Variants in ERC1 observed in about 807,000 individuals in gnomAD.
ERC1 encodes the protein ELKS/RAB6-interacting/CAST family member 1, also known as RAB6 interacting protein 2.
Under a neutral mutation model 132.0 loss-of-function variants are expected in ERC1, and 56 were observed. The observed-to-expected ratio is 0.42, with a 90% CI of 0.34 to 0.53. The LOEUF (loss-of-function observed/expected upper bound fraction) is 0.53, where lower values mean the gene tolerates loss of function less well. ERC1 is among the 20% of genes least tolerant of loss of function. The pLI is 0.03. For missense variants in ERC1, 1,202 were observed against 1,349.9 expected (o/e 0.89, Z 1.72); for synonymous variants, 478 against 476.1 (o/e 1.00, Z -0.05).
chr12:1,011,676 G>A (rs1964704365), intron 1 of ERC1, among the ~76,000 whole-genome samples: 1 of 152,188 alleles, frequency 6.6e-6, no homozygotes, highest in Admixed American at 6.6e-5. Flanking sequence ...GCTCATGCCT[G>A]TAATCCTAGC....
At chr12:1,451,113 C>G (rs1368411034) in intron 18 of ERC1, among the ~76,000 whole-genome samples, 3 of 152,180 alleles carry the variant, frequency 2.0e-5, no homozygotes, top group Non-Finnish European at 2.9e-5. Flanking sequence ...GTTATCTTCT[C>G]ACTGTTACTG....
chr12:1,053,323 C>T (rs1972364626), intron 2 of ERC1, among the ~76,000 whole-genome samples: 1 of 152,148 alleles, frequency 6.6e-6, no homozygotes, highest in South Asian at 2.1e-4. Flanking sequence ...TTAGTCTTGC[C>T]TAGCTTTTCG....
chr12:1,272,404 A>G (rs946933354), intron 14 of ERC1, among the ~76,000 whole-genome samples: 1 of 152,176 alleles, frequency 6.6e-6, no homozygotes, highest in African/African-American at 2.4e-5. Flanking sequence ...TTACTGTTAA[A>G]TTCTAATTTA....
chr12:1,378,612 A>G (rs968493582), intron 16 of ERC1, among the ~76,000 whole-genome samples: 5 of 152,320 alleles, frequency 3.3e-5, no homozygotes, highest in Non-Finnish European at 5.9e-5. Context: ...AGCCACATAC[A>G]TGATGTAGAA....
At position 994,066 on chromosome 12, in the gene ERC1, C is replaced by CAAAAAAAAAAA. The variant is rs72073964; in HGVS notation, c.-157+2763_-157+2773dup. Among the ~76,000 whole-genome samples the CAAAAAAAAAAA allele has an allele frequency of 6.1e-4, 39 of 64,244 alleles. 2 individuals are homozygous for CAAAAAAAAAAA. Among genetic ancestry groups the CAAAAAAAAAAA allele is most frequent in the African/African-American group, 1.1e-3 (22 of 20,236 alleles). The allele number at this position is 64,244 out of a possible 152,430, so 42.1% of individuals were successfully genotyped here. ...CCTGAGTCACGGCAAAACTCCGTCT[C>CAAAAAAAAAAA]AAAAAAAAAAAAAAAAAAAAAAAAA... is the stretch of plus-strand genomic sequence containing the variant. On this transcript the variant is annotated intron_variant, in intron 1 of 18. Coordinates refer to ENST00000360905, the MANE Select transcript of ERC1 (RefSeq NM_178040.4).
intron 7 of ERC1, among the ~76,000 whole-genome samples, chr12:1,122,591 CTCTA>C (rs1219839153): frequency 1.2e-5 from 1 of 80,214 alleles, no homozygotes; most frequent in African/African-American, 5.6e-5. Context: ...CTATCTCTAT[CTCTA>C]TCTGTGTCTC....
intron 1 of ERC1, among the ~76,000 whole-genome samples, chr12:993,255 T>A (rs1337286007): frequency 6.6e-6 from 1 of 152,232 alleles, no homozygotes; most frequent in Non-Finnish European, 1.5e-5. Context: ...TTTTCGCTTT[T>A]AAATTATACA....
intron 17 of ERC1, among the ~76,000 whole-genome samples, chr12:1,435,967 C>T (rs902519182): frequency 6.6e-6 from 1 of 152,226 alleles, no homozygotes; most frequent in Non-Finnish European, 1.5e-5. Flanking sequence ...TGAGAAGCTA[C>T]GTCTACCACA....
chr12:1,248,911 C>CT (rs1566379162), intron 13 of ERC1, among the ~76,000 whole-genome samples: 2 of 152,130 alleles, frequency 1.3e-5, no homozygotes. Context: ...TGGAGACAGA[C>CT]TCGCTCTGTC....
chr12:1,258,322 T>C (rs2076938669), intron 13 of ERC1, among the ~76,000 whole-genome samples: 1 of 152,196 alleles, frequency 6.6e-6, no homozygotes, highest in Admixed American at 6.5e-5. Flanking sequence ...TACTGTCTCA[T>C]AGTTTATCAT....
At chr12:1,112,043 A>G (rs920250112) in intron 5 of ERC1, among the ~76,000 whole-genome samples, 172 bp from the exon 6 acceptor site, 1 of 27,150 alleles carries the variant, frequency 3.7e-5, no homozygotes, top group Admixed American at 5.8e-4. Context: ...GGGGGGAAAA[A>G]ACCTGTGAAC....
intron 8 of ERC1, among the ~76,000 whole-genome samples, chr12:1,175,223 T>G (rs1953558600): frequency 6.6e-6 from 1 of 152,156 alleles, no homozygotes; most frequent in Non-Finnish European, 1.5e-5. Flanking sequence ...TGTGGCAGTT[T>G]CTTAAAGTAA....
chr12:1,251,513 A>T (rs1594551045), intron 13 of ERC1, among the ~76,000 whole-genome samples: 1 of 152,264 alleles, frequency 6.6e-6, no homozygotes, highest in East Asian at 1.9e-4. Context: ...CATATAAATC[A>T]GCATCTGTTT....
At chr12:1,289,717 C>T in intron 14 of ERC1, 135 bp from the exon 15 acceptor site, 2 of 633,218 alleles carry the variant, frequency 3.2e-6, no homozygotes, top group East Asian at 2.7e-5. Context: ...ATAACTGATC[C>T]AGAAAGAGTA....
chr12:1,098,098 G>C (rs1406330321), intron 3 of ERC1, among the ~76,000 whole-genome samples: 1 of 152,160 alleles, frequency 6.6e-6, no homozygotes, highest in Non-Finnish European at 1.5e-5. Flanking sequence ...CAAGACTGCT[G>C]TTCTTTGTTT....
At chr12:1,208,032 G>C (rs1957503343) in intron 12 of ERC1, among the ~76,000 whole-genome samples, 1 of 152,118 alleles carries the variant, frequency 6.6e-6, no homozygotes, top group African/African-American at 2.4e-5. Flanking sequence ...GTTTGACACT[G>C]TTAAAAATGC....
chr12:1,328,314 A>G (rs1290023282), intron 15 of ERC1, among the ~76,000 whole-genome samples: 1 of 150,990 alleles, frequency 6.6e-6, no homozygotes, highest in Non-Finnish European at 1.5e-5. Flanking sequence ...GTCCAGCTTA[A>G]TTTTTTTTTG....
intron 16 of ERC1, among the ~76,000 whole-genome samples, chr12:1,395,287 G>C (rs1054224426): frequency 1.3e-5 from 2 of 152,180 alleles, no homozygotes; most frequent in Non-Finnish European, 2.9e-5. Context: ...CCAACTTTTA[G>C]GAATGGCTTT....
intron 13 of ERC1, among the ~76,000 whole-genome samples, chr12:1,245,931 A>AT (rs563467817): frequency 1.3e-4 from 19 of 151,152 alleles, no homozygotes; most frequent in Middle Eastern, 3.4e-3. Context: ...TCCCAAAGTG[A>AT]TTTTTTTTTC....
Sources: allele counts gnomAD v4.1 joint callset (sites outside exome capture counted in the v4.1 genomes callset), GRCh38; gene constraint gnomAD v4.1.1; transcripts MANE v1.5; gene names NCBI Gene and HGNC (gene_info 2026-07-23, HGNC 2026-07-21).